Variants in SCGB2B2 observed in about 807,000 individuals in gnomAD.
SCGB2B2 encodes the protein secretoglobin family 2B member 2, also known as secretoglobin-like protein.
SCGB2B2 carries 11 observed loss-of-function variants against 7.6 expected under a neutral mutation model. That is an observed-to-expected ratio of 1.45 (90% confidence interval 0.91 to 2.40). The LOEUF (loss-of-function observed/expected upper bound fraction) is 2.40. Ranked by LOEUF, SCGB2B2 falls within the 30% of genes most tolerant of loss-of-function variation. SCGB2B2 has a pLI of 0.00. For missense variants in SCGB2B2, 104 were observed against 115.4 expected (o/e 0.90, Z 0.45); for synonymous variants, 50 against 48.6 (o/e 1.03, Z -0.12).
At chr19:34,608,943 A>T (rs2065857671) in intron 1 of SCGB2B2, among the ~76,000 whole-genome samples, 1 of 151,916 alleles carries the variant, frequency 6.6e-6, no homozygotes, top group South Asian at 2.1e-4. Flanking sequence ...CCTATCAACC[A>T]GCAAGAGTTC....
At chr19:34,585,847 C>T (rs2065181059), downstream of SCGB2B2, among the ~76,000 whole-genome samples, 1 of 152,158 alleles carries the variant, frequency 6.6e-6, no homozygotes, top group African/African-American at 2.4e-5. Context: ...TCAGGTTCTA[C>T]CATAGTGATG....
At chr19:34,624,780 A>G (rs1351162633) in intron 1 of SCGB2B2, among the ~76,000 whole-genome samples, 1 of 152,190 alleles carries the variant, frequency 6.6e-6, no homozygotes, top group African/African-American at 2.4e-5. Flanking sequence ...AGGTTGGAAC[A>G]GAGCCAACAT....
At position 34,594,576 on chromosome 19, in the gene SCGB2B2, T is replaced by C; in HGVS notation, c.-13A>G. 1 of 1,612,102 alleles carries C rather than the reference T, an allele frequency of 6.2e-7. No homozygotes were observed. The highest frequency in any genetic ancestry group is 8.5e-7 in the Non-Finnish European group (1 of 1,179,736). On this transcript the variant is annotated 5_prime_UTR_variant, in exon 2 of 4. Transcript: ENST00000601241. ...ATGTCACCCTCATGACAGCGGAGTCTGGTCCCAGCAGGCACAGGCAGGGAA... is the reference window on the plus strand; with the variant it reads ...ATGTCACCCTCATGACAGCGGAGTCCGGTCCCAGCAGGCACAGGCAGGGAA...
intron 1 of SCGB2B2, among the ~76,000 whole-genome samples, chr19:34,667,229 G>T (rs1312211449): frequency 2.0e-5 from 3 of 152,042 alleles, no homozygotes; most frequent in African/African-American, 7.2e-5. Context: ...AGGGCGCTGG[G>T]TCTCCGCCCT....
intron 1 of SCGB2B2, among the ~76,000 whole-genome samples, chr19:34,660,781 C>T (rs2067431184): frequency 1.3e-5 from 2 of 152,156 alleles, no homozygotes; most frequent in African/African-American, 4.8e-5. Flanking sequence ...TGGGTATATA[C>T]CCAAAGAATT....
intron 1 of SCGB2B2, among the ~76,000 whole-genome samples, chr19:34,630,504 C>G (rs942083961): frequency 6.6e-6 from 1 of 151,912 alleles, no homozygotes; most frequent in African/African-American, 2.4e-5. Flanking sequence ...CCTAAAGACA[C>G]ATGAAAAAAT....
chr19:34,663,349 T>C (rs1285994443), intron 1 of SCGB2B2, among the ~76,000 whole-genome samples: 2 of 152,214 alleles, frequency 1.3e-5, no homozygotes, highest in Non-Finnish European at 2.9e-5. Context: ...GTGTTGTTCA[T>C]GATAATAGAA....
intron 1 of SCGB2B2, chr19:34,634,856 A>G (rs375046049): frequency 3.8e-6 from 1 of 264,538 alleles, no homozygotes; most frequent in Non-Finnish European, 8.0e-6. Flanking sequence ...AGGGCCTTTC[A>G]CCAGTGTGAA....
Position 34,594,711 on chromosome 19 carries a change from T to TCAGG in SCGB2B2, c.-152_-149dup. ...TGTGTGTGTGTGTGTGTGAATGTGGTCAGGGCAGGTCTGCAGAGAGACCCT... is the reference window on the plus strand; with the variant it reads ...TGTGTGTGTGTGTGTGTGAATGTGGTCAGGCAGGGCAGGTCTGCAGAGAGACCCT... On this transcript the variant is annotated 5_prime_UTR_variant, in exon 2 of 4. It introduces an in-frame stop codon into an upstream open reading frame of the 5' UTR. Transcript: ENST00000601241. 1.4e-6 allele frequency: 1 copy of TCAGG among 705,900 alleles called. No individual in the cohort carries two copies. Among genetic ancestry groups the TCAGG allele is most frequent in the East Asian group, 2.8e-5 (1 of 36,354 alleles). 43.7% of individuals were successfully genotyped at this position (705,900 alleles called of 1,614,324 possible).
At chr19:34,656,007 T>C (rs1249571273) in intron 1 of SCGB2B2, among the ~76,000 whole-genome samples, 1 of 151,142 alleles carries the variant, frequency 6.6e-6, no homozygotes, top group African/African-American at 2.5e-5. Flanking sequence ...TTGGAATAAA[T>C]ATACATCACC....
chr19:34,636,580 A>C (rs560222666), intron 1 of SCGB2B2, among the ~76,000 whole-genome samples: 26 of 152,324 alleles, frequency 1.7e-4, no homozygotes, highest in Non-Finnish European at 2.9e-4. Context: ...TGTGTAGCTC[A>C]GGGTTAGAGA....
intron 1 of SCGB2B2, among the ~76,000 whole-genome samples, chr19:34,650,568 C>A (rs2067138270): frequency 6.6e-6 from 1 of 151,296 alleles, no homozygotes; most frequent in Non-Finnish European, 1.5e-5. Flanking sequence ...AGAAATCAAA[C>A]TCCTGAACAG....
intron 1 of SCGB2B2, among the ~76,000 whole-genome samples, chr19:34,605,208 T>C (rs1444944186): frequency 6.6e-6 from 1 of 152,246 alleles, no homozygotes; most frequent in Admixed American, 6.5e-5. Flanking sequence ...GTATCAATAC[T>C]TCATAGCTTT....
At chr19:34,627,180 A>C (rs983664337) in intron 1 of SCGB2B2, among the ~76,000 whole-genome samples, 1 of 152,196 alleles carries the variant, frequency 6.6e-6, no homozygotes, top group Non-Finnish European at 1.5e-5. Context: ...ACCATCAATG[A>C]TAGGAAGAAA....
chr19:34,650,073 G>GAC (rs2146071102), intron 1 of SCGB2B2, among the ~76,000 whole-genome samples: 1 of 151,330 alleles, frequency 6.6e-6, no homozygotes, highest in African/African-American at 2.5e-5. Flanking sequence ...GGCTCTGCAT[G>GAC]ACTTCACTAG....
chr19:34,649,781 G>C (rs913741702), intron 1 of SCGB2B2, among the ~76,000 whole-genome samples: 1 of 145,504 alleles, frequency 6.9e-6, no homozygotes, highest in African/African-American at 2.8e-5. Flanking sequence ...TTGAACCTAG[G>C]AGCTGAACAG....
intron 1 of SCGB2B2, among the ~76,000 whole-genome samples, chr19:34,619,863 T>C (rs1050329585): frequency 7.2e-5 from 11 of 152,220 alleles, no homozygotes; most frequent in Admixed American, 1.3e-4. Flanking sequence ...TAATGTCCCT[T>C]TTTTAGACCC....
At chr19:34,652,839 G>C (rs1436403690) in intron 1 of SCGB2B2, among the ~76,000 whole-genome samples, 1 of 151,348 alleles carries the variant, frequency 6.6e-6, no homozygotes, top group Non-Finnish European at 1.5e-5. Context: ...ATATGATCAA[G>C]AATCCCATTA....
At chr19:34,623,727 C>T (rs2066297746) in intron 1 of SCGB2B2, among the ~76,000 whole-genome samples, 1 of 152,196 alleles carries the variant, frequency 6.6e-6, no homozygotes, top group African/African-American at 2.4e-5. Flanking sequence ...CTGTCCCTGG[C>T]TTCTCTTACT....
Sources: allele counts gnomAD v4.1 joint callset (sites outside exome capture counted in the v4.1 genomes callset), GRCh38; gene constraint gnomAD v4.1.1; transcripts MANE v1.5; gene names NCBI Gene and HGNC (gene_info 2026-07-23, HGNC 2026-07-21).